The following C12orf42 variants were observed in gnomAD, a reference collection of about 807,000 sequenced individuals.
C12orf42 encodes chromosome 12 open reading frame 42, also known as uncharacterized protein C12orf42.
C12orf42 carries 25 observed loss-of-function variants against 21.6 expected under a neutral mutation model. The ratio of observed to expected loss-of-function variants is 1.16; its 90% CI spans 0.84 to 1.62. The LOEUF (loss-of-function observed/expected upper bound fraction) is 1.62. Among genes scored for constraint, C12orf42 ranks in the 40% most tolerant of loss-of-function variants. C12orf42 has a pLI of 0.00. For missense variants in C12orf42, 483 were observed against 459.3 expected (o/e 1.05, Z -0.47); for synonymous variants, 174 against 175.0 (o/e 0.99, Z 0.05).
the C12orf42 span, among the ~76,000 whole-genome samples, chr12:103,156,553 G>T: frequency 6.6e-6 from 1 of 152,008 alleles, no homozygotes; most frequent in Non-Finnish European, 1.5e-5. Flanking sequence ...GAACATGCAG[G>T]TTTGTTACAT....
the C12orf42 span, among the ~76,000 whole-genome samples, chr12:103,079,077 T>C: frequency 1.3e-5 from 2 of 152,180 alleles, no homozygotes; most frequent in Non-Finnish European, 2.9e-5. Flanking sequence ...AAAATGTCCA[T>C]CAGATACCCA....
At chr12:103,171,096 A>G in the C12orf42 span, among the ~76,000 whole-genome samples, 1 of 152,226 alleles carries the variant, frequency 6.6e-6, no homozygotes, top group South Asian at 2.1e-4. Flanking sequence ...TAGCTCTTCT[A>G]GATAACACTC....
intron 1 of C12orf42, among the ~76,000 whole-genome samples, chr12:103,488,756 GT>G (rs779528581): frequency 1.1e-4 from 16 of 152,056 alleles, no homozygotes; most frequent in Non-Finnish European, 1.9e-4. Context: ...ATTGAAGCTT[GT>G]GCATGTGTCA....
At chr12:103,540,747 T>G in the C12orf42 span, among the ~76,000 whole-genome samples, 5 of 152,208 alleles carry the variant, frequency 3.3e-5, no homozygotes, top group African/African-American at 1.2e-4. Context: ...TCTTTATATT[T>G]CAACTGGAAC....
intron 2 of C12orf42, among the ~76,000 whole-genome samples, chr12:103,441,289 G>A (rs975750879): frequency 2.0e-5 from 3 of 152,140 alleles, no homozygotes; most frequent in Non-Finnish European, 4.4e-5. Context: ...AATGCCACTG[G>A]TAATACTAAT....
chr12:103,083,129 C>T, the C12orf42 span, among the ~76,000 whole-genome samples: 1 of 152,152 alleles, frequency 6.6e-6, no homozygotes, highest in Non-Finnish European at 1.5e-5. Flanking sequence ...CTTTGGGAGG[C>T]CGAGGCGGGT....
intron 10 of C12orf42, among the ~76,000 whole-genome samples, chr12:103,242,790 T>A (rs1426713290): frequency 2.0e-5 from 3 of 152,102 alleles, no homozygotes; most frequent in Non-Finnish European, 4.4e-5. Context: ...TTCAAATCAA[T>A]GCAAAAACAT....
At chr12:103,177,603 C>T in the C12orf42 span, among the ~76,000 whole-genome samples, 6 of 152,152 alleles carry the variant, frequency 3.9e-5, no homozygotes, top group African/African-American at 7.2e-5. Context: ...TCCAGGGGCA[C>T]GGCCAGAAAC....
At chr12:103,121,039 T>G in the C12orf42 span, among the ~76,000 whole-genome samples, 1 of 152,164 alleles carries the variant, frequency 6.6e-6, no homozygotes, top group African/African-American at 2.4e-5. Flanking sequence ...CAAAATCATT[T>G]AAGTCAGTTA....
chr12:103,540,426 T>C, the C12orf42 span, among the ~76,000 whole-genome samples: 1 of 152,060 alleles, frequency 6.6e-6, no homozygotes, highest in Non-Finnish European at 1.5e-5. Flanking sequence ...GATTGTAGAT[T>C]TGTCATTTTC....
chr12:103,273,743 G>A (rs2035598884), intron 5 of C12orf42: 1 of 431,102 alleles, frequency 2.3e-6, no homozygotes, highest in Non-Finnish European at 4.7e-6. Context: ...GAAGGAAAAG[G>A]AGGAGGAGAA....
the C12orf42 span, among the ~76,000 whole-genome samples, chr12:103,053,716 G>GT: frequency 5.2e-4 from 79 of 151,792 alleles, 1 homozygote; most frequent in Non-Finnish European, 7.4e-5. Context: ...TTAAAGAGAA[G>GT]TTTTGTATTT....
chr12:103,373,671 C>T (rs962500721), intron 3 of C12orf42, among the ~76,000 whole-genome samples: 9 of 152,170 alleles, frequency 5.9e-5, no homozygotes, highest in African/African-American at 1.9e-4. Context: ...AAAAATGTAC[C>T]ACCACTGCAG....
At chr12:103,346,648 A>C (rs911229001) in intron 4 of C12orf42, among the ~76,000 whole-genome samples, 3 of 152,164 alleles carry the variant, frequency 2.0e-5, no homozygotes, top group African/African-American at 7.2e-5. Context: ...TACAAGAGGC[A>C]CTCCTATACA....
chr12:103,199,938 A>C, the C12orf42 span, among the ~76,000 whole-genome samples: 1 of 152,218 alleles, frequency 6.6e-6, no homozygotes, highest in Non-Finnish European at 1.5e-5. Flanking sequence ...CCAGAAAACT[A>C]AAAGTGGAAC....
chr12:103,398,171 G>C (rs1020591601), intron 3 of C12orf42, among the ~76,000 whole-genome samples: 2 of 152,148 alleles, frequency 1.3e-5, no homozygotes, highest in African/African-American at 4.8e-5. Flanking sequence ...CTATACCTTT[G>C]TCAACACTTT....
the C12orf42 span, among the ~76,000 whole-genome samples, chr12:103,124,879 A>C: frequency 6.6e-6 from 1 of 152,186 alleles, no homozygotes; most frequent in Non-Finnish European, 1.5e-5. Context: ...GAAGTTATTT[A>C]TATATGGTTA....
At chr12:103,549,484 C>G in the C12orf42 span, 2 of 152,146 alleles carry the variant, frequency 1.3e-5, no homozygotes, top group Non-Finnish European at 2.9e-5. Context: ...GTTTTCATGT[C>G]TCTGTCATTC....
intron 2 of C12orf42, among the ~76,000 whole-genome samples, chr12:103,438,056 C>G (rs1362310278): frequency 6.6e-6 from 1 of 150,482 alleles, no homozygotes. Flanking sequence ...AGCTTATCCA[C>G]CAAGATCAAG....
Sources: allele counts gnomAD v4.1 joint callset (sites outside exome capture counted in the v4.1 genomes callset), GRCh38; gene constraint gnomAD v4.1.1; transcripts MANE v1.5; gene names NCBI Gene and HGNC (gene_info 2026-07-23, HGNC 2026-07-21).